Variants in LDHB observed in about 807,000 individuals in gnomAD.
LDHB encodes the protein lactate dehydrogenase B, also known as L-lactate dehydrogenase B chain.
A neutral mutation model predicts 33.4 loss-of-function variants in LDHB; 18 were observed. That is an observed-to-expected ratio of 0.54 (90% CI 0.37 to 0.80). The LOEUF (loss-of-function observed/expected upper bound fraction) is 0.80. LDHB is among the 30% of genes least tolerant of loss of function. The pLI, the probability that LDHB is intolerant of heterozygous loss-of-function variation, is 0.00. For missense variants in LDHB, 345 were observed against 407.9 expected (o/e 0.85, Z 1.33); for synonymous variants, 121 against 140.6 (o/e 0.86, Z 0.98).
intron 2 of LDHB, among the ~76,000 whole-genome samples, chr12:21,652,237 T>C (rs1254349997): frequency 2.6e-5 from 4 of 152,230 alleles, no homozygotes; most frequent in African/African-American, 9.6e-5. Context: ...TTTATTTTTT[T>C]CTAAATGCTT....
rs1938444117 is a variant in LDHB at position 21,644,008 on chromosome 12, A to G, written c.348T>C (p.Asn116=). 1.9e-6 allele frequency: 3 copies of G among 1,612,876 alleles called. No homozygotes were observed. Among genetic ancestry groups the G allele is most frequent in the Non-Finnish European group, 2.5e-6 (3 of 1,178,976 alleles). ...TCTGAGGAATAATGAATTTGAAGAC[A>G]TTAACATTTCTCTGCACCAGATTGA... is the stretch of plus-strand genomic sequence containing the variant. ...SRLNLVQRNV[N]VFKFIIPQIV... The change falls in exon 4 of 8, where the codon AAT becomes AAC. Residue 116 remains asparagine (N), a synonymous_variant. Transcript: ENST00000350669.
At chr12:21,645,976 A>T (rs1938516794) in intron 3 of LDHB, among the ~76,000 whole-genome samples, 2 of 152,224 alleles carry the variant, frequency 1.3e-5, no homozygotes, top group Admixed American at 1.3e-4. Flanking sequence ...GTTCTCAGAT[A>T]CATATAAACA....
At chr12:21,654,895 G>C (rs1196836128) in intron 1 of LDHB, among the ~76,000 whole-genome samples, 2 of 152,104 alleles carry the variant, frequency 1.3e-5, no homozygotes, top group Admixed American at 6.5e-5. Context: ...GGCAGAGGCT[G>C]GTGGATCACG....
In LDHB at chr12:21,653,339, G is replaced by C. The variant is rs371770005; in HGVS notation, c.129+1204C>G. On this transcript the variant is annotated intron_variant, in intron 2 of 7. Transcript: ENST00000350669. ...CTAAAACAGGGGTCCCCAACACCCA[G>C]GTCACGAGCCAGTACTGAATCTAGA... is the stretch of plus-strand genomic sequence containing the variant. Among the ~76,000 whole-genome samples the C allele has an allele frequency of 3.9e-5, 6 of 152,236 alleles. No individual in the cohort carries two copies. The East Asian group carries it at 9.7e-4, about 25-fold the overall frequency.
intron 6 of LDHB, 150 bp downstream of exon 6, chr12:21,638,202 CA>C: frequency 1.6e-6 from 1 of 610,384 alleles, no homozygotes; most frequent in Non-Finnish European, 2.9e-6. Context: ...CAAGTTTGAC[CA>C]GTGTAAAAGT....
intron 4 of LDHB, among the ~76,000 whole-genome samples, chr12:21,643,198 AGT>A (rs1362226137): frequency 6.6e-6 from 1 of 152,212 alleles, no homozygotes; most frequent in Non-Finnish European, 1.5e-5. Flanking sequence ...TCTTATTCAC[AGT>A]GTTTCTCTAT....
At chr12:21,652,850 G>A (rs1183542606) in intron 2 of LDHB, among the ~76,000 whole-genome samples, 4 of 152,232 alleles carry the variant, frequency 2.6e-5, no homozygotes. Flanking sequence ...AAATGTTCAT[G>A]GGTGTGCACT....
chr12:21,642,895 T>C (rs956682854), intron 4 of LDHB, among the ~76,000 whole-genome samples: 1 of 152,218 alleles, frequency 6.6e-6, no homozygotes, highest in Non-Finnish European at 1.5e-5. Flanking sequence ...TTTGATTCCA[T>C]GGAAGTGACT....
intron 1 of LDHB, chr12:21,657,449 G>A (rs1410221491): frequency 1.3e-5 from 2 of 152,406 alleles, no homozygotes; most frequent in Non-Finnish European, 2.9e-5. Flanking sequence ...TGGGGGTGAT[G>A]TGGCCGCCAT....
At position 21,645,829 on chromosome 12, in the gene LDHB, C is replaced by G. The variant is rs528550848; in HGVS notation, c.247+1070G>C. 3.3e-5 allele frequency among the ~76,000 whole-genome samples: 5 copies of G among 152,214 alleles called. No homozygotes were observed. In the East Asian group the frequency reaches 9.7e-4, roughly 29 times the overall value. On this transcript the variant is annotated intron_variant, in intron 3 of 7. Transcript: ENST00000350669. ...GCTGAGTGCCGGTTCCCTCGGCCCA[C>G]TTTTTCTTTCTCTATACTTTGTCTC... is the stretch of plus-strand genomic sequence containing the variant.
chr12:21,638,129 G>A (rs1384906669), intron 6 of LDHB, among the ~76,000 whole-genome samples: 1 of 151,924 alleles, frequency 6.6e-6, no homozygotes, highest in Admixed American at 6.6e-5. Context: ...TTTTGCTCCT[G>A]TTACCTCTAC....
intron 3 of LDHB, among the ~76,000 whole-genome samples, chr12:21,644,424 C>CAAAAAAAAAAAAAAAAA (rs72491634): frequency 4.1e-3 from 61 of 14,914 alleles, no homozygotes; most frequent in East Asian, 0.013. Context: ...AGGTAGACAT[C>CAAAAAAAAAAAAAAAAA]AAAAAAAAAA....
At chr12:21,645,891 G>A (rs932005766) in intron 3 of LDHB, among the ~76,000 whole-genome samples, 2 of 152,102 alleles carry the variant, frequency 1.3e-5, no homozygotes, top group African/African-American at 2.4e-5. Context: ...TCCACCCGAC[G>A]AGAAATGCCC....
intron 7 of LDHB, 46 bp downstream of exon 7, chr12:21,637,025 A>C (rs1170711745): frequency 3.4e-6 from 5 of 1,459,222 alleles, no homozygotes; most frequent in Non-Finnish European, 4.8e-6. Context: ...TTTTTGTAGA[A>C]TACAATGCGA....
intron 4 of LDHB, 40 bp from the exon 5 acceptor site, chr12:21,642,165 C>G: frequency 6.7e-7 from 1 of 1,485,804 alleles, no homozygotes; most frequent in Non-Finnish European, 9.4e-7. Flanking sequence ...TAAACCAAAA[C>G]CAACTTCAAC....
chr12:21,638,491 A>T lies in LDHB; in HGVS notation c.596-21T>A, dbSNP rs1282353889. 2.2e-6 allele frequency: 3 copies of T among 1,338,836 alleles called. No homozygotes were observed. The African/African-American group carries it at 4.5e-5, about 20-fold the overall frequency. The allele number at this position is 1,338,836 out of a possible 1,614,324, so 82.9% of individuals were successfully genotyped here. A position where few individuals can be genotyped will look rare whatever the true frequency, so the allele number is the denominator to read the frequency against. On this transcript the variant is annotated intron_variant, in intron 5 of 7. Coordinates refer to ENST00000350669, the MANE Select transcript of LDHB (RefSeq NM_002300.8). ...AGCCACTGTTTAAAAAAAAAAAAAA[A>T]GACATTGCAGTTATTTCTTACATTA...
intron 1 of LDHB, among the ~76,000 whole-genome samples, chr12:21,656,692 A>C (rs1938854736): frequency 6.6e-6 from 1 of 152,210 alleles, no homozygotes; most frequent in Admixed American, 6.5e-5. Context: ...GCTTTTCTTC[A>C]ATTTTTCCTT....
At chr12:21,657,021 A>C (rs1188043577) in intron 1 of LDHB, 1 of 151,128 alleles carries the variant, frequency 6.6e-6, no homozygotes, top group Non-Finnish European at 1.5e-5. Context: ...CGCACAAACC[A>C]TCTTTTCCTC....
At chr12:21,640,098 CATT>C (rs1463540788) in intron 5 of LDHB, among the ~76,000 whole-genome samples, 3 of 150,876 alleles carry the variant, frequency 2.0e-5, no homozygotes, top group African/African-American at 4.9e-5. Context: ...TATTTATCAT[CATT>C]ATTATTAATA....
Sources: gnomAD v4.1 joint callset for allele counts (sites outside exome capture counted in the v4.1 genomes callset) on GRCh38, gnomAD v4.1.1 for gene constraint, MANE v1.5 for transcripts, NCBI Gene and HGNC (gene_info 2026-07-23, HGNC 2026-07-21) for gene names.